The following BEND3 variants were observed in gnomAD, a reference collection of about 807,000 sequenced individuals.
The protein encoded by BEND3 is BEN domain containing 3, also known as BEN domain-containing protein 3.
A neutral mutation model predicts 60.1 loss-of-function variants in BEND3; 13 were observed. The observed-to-expected ratio is 0.22, with a 90% confidence interval of 0.14 to 0.34. BEND3 has a LOEUF of 0.34. Among genes scored for constraint, BEND3 ranks in the 10% least tolerant of loss-of-function variants. The probability of loss-of-function intolerance (pLI) is 1.00; values close to 1 mark genes in which losing one functional copy is unlikely to be tolerated. For synonymous variants in BEND3, 497 were observed against 491.5 expected, an observed-to-expected ratio of 1.01 and a Z score of -0.15; for missense variants, 896 against 1,138.1, an observed-to-expected ratio of 0.79 and a Z score of 3.06.
intron 1 of BEND3, among the ~76,000 whole-genome samples, chr6:107,113,647 C>T (rs1317236937): frequency 1.3e-5 from 2 of 151,962 alleles, no homozygotes; most frequent in African/African-American, 2.4e-5. Flanking sequence ...GGGTTAGAGG[C>T]TGGGGATGTG....
chr6:107,081,504 G>A (rs992438975), intron 3 of BEND3, among the ~76,000 whole-genome samples: 8 of 152,140 alleles, frequency 5.3e-5, no homozygotes, highest in African/African-American at 7.2e-5. Context: ...TTACAGGCAT[G>A]AGCCACCGCA....
At chr6:107,105,942 T>C (rs1298848626) in intron 1 of BEND3, 1 of 152,246 alleles carries the variant, frequency 6.6e-6, no homozygotes, top group Non-Finnish European at 1.5e-5. Context: ...AGGAATGTGA[T>C]TGGAACCTGA....
intron 3 of BEND3, among the ~76,000 whole-genome samples, chr6:107,095,345 TA>T (rs1250247645): frequency 2.6e-5 from 4 of 152,040 alleles, no homozygotes; most frequent in African/African-American, 9.7e-5. Flanking sequence ...AAATTTTTTT[TA>T]AACTAAACAA....
chr6:107,076,379 G>T (rs1775099993), intron 3 of BEND3, among the ~76,000 whole-genome samples: 1 of 152,178 alleles, frequency 6.6e-6, no homozygotes, highest in African/African-American at 2.4e-5. Context: ...CCAGCGTCTA[G>T]CCCGGATCTT....
At chr6:107,091,190 T>G (rs1775468822) in intron 3 of BEND3, among the ~76,000 whole-genome samples, 1 of 150,050 alleles carries the variant, frequency 6.7e-6, no homozygotes, top group African/African-American at 2.5e-5. Flanking sequence ...TAGAGGAAAA[T>G]ATATAGTATT....
chr6:107,081,861 C>A (rs1014217922), intron 3 of BEND3, among the ~76,000 whole-genome samples: 12 of 152,006 alleles, frequency 7.9e-5, no homozygotes, highest in Non-Finnish European at 1.6e-4. Context: ...TCTCTATGAT[C>A]CTGTTACAAT....
At chr6:107,093,390 G>A (rs1170436589) in intron 3 of BEND3, among the ~76,000 whole-genome samples, 3 of 152,052 alleles carry the variant, frequency 2.0e-5, no homozygotes, top group East Asian at 3.9e-4. Context: ...GAACCCGGGA[G>A]GCGGAGCTTG....
intron 3 of BEND3, among the ~76,000 whole-genome samples, chr6:107,072,072 T>C (rs782156098): frequency 7.9e-5 from 12 of 152,230 alleles, no homozygotes; most frequent in Non-Finnish European, 8.8e-5. Context: ...CCCAGATACT[T>C]ATGTAAATGT....
At chr6:107,073,412 C>T (rs1467096578) in intron 3 of BEND3, among the ~76,000 whole-genome samples, 2 of 151,266 alleles carry the variant, frequency 1.3e-5, no homozygotes, top group Non-Finnish European at 2.9e-5. Context: ...GCCCCACTCC[C>T]TCTGGGGTCT....
Position 107,069,038 on chromosome 6 carries a change from G to A in BEND3, c.2153C>T (p.Pro718Leu), listed in dbSNP as rs1554231315. The change falls in exon 4 of 4, where the codon CCC becomes CTC. Residue 718 changes from proline (P) to leucine (L), a missense_variant. Pro to Leu is a moderately conservative substitution (Grantham distance 98). Around this residue, in one of 4 missense-constraint regions of BEND3, gnomAD observed 846 missense variants for 1,036.7 expected, o/e 0.82. Coordinates refer to ENST00000369042, the MANE Select transcript of BEND3 (RefSeq NM_001367314.1). ...VPSPDFPVPS[P>L]YLLSDKEVRE... ...CACCTCCTTGTCAGACAGCAGGTAG[G>A]GAGAAGGCACCGGGAAGTCAGGCGA... The A allele has an allele frequency of 6.2e-7, 1 of 1,613,704 alleles. No homozygotes were observed. The highest frequency in any genetic ancestry group is 8.5e-7 in the Non-Finnish European group (1 of 1,180,020).
Position 107,069,340 on chromosome 6 carries a change from G to T in BEND3, c.1851C>A (p.Tyr617Ter), listed in dbSNP as rs539619252. The change falls in exon 4 of 4, where the codon TAC becomes TAA. Residue 617 changes from tyrosine (Y) to a stop codon, truncating the protein, a stop_gained. Transcript: ENST00000369042. LOFTEE classifies it high-confidence loss of function. ...DPSRIKLIRH[Y>*]VQLLYPRAKN... ...TGGCGCGTGGGTAGAGCAGCTGCAC[G>T]TAGTGGCGGATGAGCTTGATGCGGG... The T allele has an allele frequency of 6.2e-7, 1 of 1,612,862 alleles. No individual in the cohort carries two copies. Among genetic ancestry groups the T allele is most frequent in the Non-Finnish European group, 8.5e-7 (1 of 1,179,776 alleles).
intron 3 of BEND3, among the ~76,000 whole-genome samples, chr6:107,090,735 A>C (rs1381297973): frequency 3.9e-5 from 6 of 152,218 alleles, no homozygotes; most frequent in African/African-American, 1.2e-4. Context: ...ACTAGTTGTA[A>C]ATATATGTTG....
chr6:107,097,855 T>C (rs1449027865), intron 3 of BEND3, among the ~76,000 whole-genome samples: 2 of 146,360 alleles, frequency 1.4e-5, no homozygotes, highest in African/African-American at 2.5e-5. Context: ...TGATGTGGAA[T>C]GTAGGTCCTC....
At position 107,114,734 on chromosome 6, in the gene BEND3, G is replaced by A. The variant is rs868942831; in HGVS notation, c.-12+356C>T. Reference sequence around the variant, plus strand: ...CGGGGCCGGCGCGCGGCGCGAGTGGGGCGGGCGGCGGCGGCGGCGCGGACG... The same window carrying A: ...CGGGGCCGGCGCGCGGCGCGAGTGGAGCGGGCGGCGGCGGCGGCGCGGACG... On this transcript the variant is annotated intron_variant, in intron 1 of 3. Transcript: ENST00000369042. Among the ~76,000 whole-genome samples, 735 of 146,036 alleles carry A rather than the reference G, an allele frequency of 5.0e-3. 7 individuals are homozygous for A. Among genetic ancestry groups the A allele is most frequent in the African/African-American group, 0.017 (706 of 40,812 alleles).
intron 3 of BEND3, among the ~76,000 whole-genome samples, chr6:107,091,412 C>T (rs1439454747): frequency 6.6e-6 from 1 of 151,992 alleles, no homozygotes; most frequent in Non-Finnish European, 1.5e-5. Flanking sequence ...ATCCATATGC[C>T]TCTAGCAGGC....
intron 3 of BEND3, among the ~76,000 whole-genome samples, chr6:107,078,571 C>T: frequency 6.7e-6 from 1 of 148,568 alleles, no homozygotes; most frequent in African/African-American, 2.5e-5. Context: ...TCTCCTGCCT[C>T]AGCCTCCCAA....
Position 107,069,972 on chromosome 6 carries a change from G to T in BEND3, c.1219C>A (p.Pro407Thr). The T allele has an allele frequency of 1.2e-6, 2 of 1,613,432 alleles. No homozygotes were observed. Among genetic ancestry groups the T allele is most frequent in the Non-Finnish European group, 1.7e-6 (2 of 1,179,928 alleles). The change falls in exon 4 of 4, where the codon CCA becomes ACA. Residue 407 changes from proline (P) to threonine (T), a missense_variant. By Grantham distance (38) the Pro-to-Thr change is conservative (BLOSUM62 -1). Transcript: ENST00000369042. ...AGGAGGAAGACGGCAAACTCGCCTG[G>T]TGAGGAGGCTTCGTCCAGGAACTCA... Reference protein sequence around the residue: ...LTEFLDEASSPGEFAVFLLHR... With the variant: ...LTEFLDEASSTGEFAVFLLHR...
intron 1 of BEND3, among the ~76,000 whole-genome samples, chr6:107,104,289 C>CA (rs34091506): frequency 0.012 from 1,169 of 101,550 alleles, 26 homozygotes; most frequent in African/African-American, 0.04. Context: ...GACTCCGTCT[C>CA]AAAAAAAAAA....
intron 3 of BEND3, among the ~76,000 whole-genome samples, chr6:107,097,790 C>CAA (rs10674719): frequency 0.31 from 16,348 of 52,156 alleles, 2,359 homozygotes; most frequent in Non-Finnish European, 0.4. Context: ...AACTCCGTCT[C>CAA]AAAAAAAAAA....
Sources: gnomAD v4.1 joint callset for allele counts (sites outside exome capture counted in the v4.1 genomes callset) on GRCh38, gnomAD v4.1.1 for gene constraint, gnomAD v4.1.1 regional missense constraint, MANE v1.5 for transcripts, NCBI Gene and HGNC (gene_info 2026-07-23, HGNC 2026-07-21) for gene names.